The following CCDC60 variants were observed in gnomAD, a reference collection of about 807,000 sequenced individuals.
The protein encoded by CCDC60 is coiled-coil domain containing 60.
In CCDC60, 54 loss-of-function variants were observed where a neutral mutation model predicts 63.5. The ratio of observed to expected loss-of-function variants is 0.85; its 90% CI spans 0.68 to 1.07. CCDC60 has a LOEUF of 1.07. Among genes scored for constraint, CCDC60 ranks in the 50% least tolerant of loss-of-function variants. The pLI, the probability that CCDC60 is intolerant of heterozygous loss-of-function variation, is 0.00. For missense variants in CCDC60, 651 were observed against 684.3 expected, an observed-to-expected ratio of 0.95 and a Z score of 0.54; for synonymous variants, 206 against 238.8, an observed-to-expected ratio of 0.86 and a Z score of 1.27.
rs1473638199 is a variant in CCDC60, at chr12:119,505,412, T to C, written c.883+109T>C. On this transcript the variant is annotated intron_variant, in intron 7 of 13. Coordinates refer to ENST00000327554, the MANE Select transcript of CCDC60 (RefSeq NM_178499.5). ...CACCTCCACTCATTTAAAGGTGACATGGGATCCCGCATCCTTGTTCAATTT... is the reference window on the plus strand; with the variant it reads ...CACCTCCACTCATTTAAAGGTGACACGGGATCCCGCATCCTTGTTCAATTT... 5 of 694,032 alleles carry C rather than the reference T, an allele frequency of 7.2e-6. No homozygotes were observed. The East Asian group carries it at 1.3e-4, about 18-fold the overall frequency. 43.0% of individuals were successfully genotyped at this position (694,032 alleles called of 1,614,324 possible).
chr12:119,387,034 TCACACACACACACACACA>T (rs1555233707), intron 1 of CCDC60, among the ~76,000 whole-genome samples: 6 of 105,400 alleles, frequency 5.7e-5, no homozygotes, highest in Non-Finnish European at 1.1e-4. Context: ...TCTGTCTCTC[TCACACACACACACACACA>T]CACACACACA....
chr12:119,376,781 G>A (rs1955955311), intron 1 of CCDC60, among the ~76,000 whole-genome samples: 1 of 152,054 alleles, frequency 6.6e-6, no homozygotes, highest in Non-Finnish European at 1.5e-5. Context: ...CCAACAGAGT[G>A]GCTACTTTAT....
intron 1 of CCDC60, among the ~76,000 whole-genome samples, chr12:119,361,599 A>G (rs1384555951): frequency 6.6e-6 from 1 of 152,226 alleles, no homozygotes; most frequent in African/African-American, 2.4e-5. Context: ...CTTGGAGCCC[A>G]GAGACCAGGG....
intron 7 of CCDC60, among the ~76,000 whole-genome samples, chr12:119,512,170 C>T (rs893694949): frequency 4.6e-5 from 7 of 152,228 alleles, no homozygotes; most frequent in Non-Finnish European, 1.0e-4. Flanking sequence ...GGGCTTCACG[C>T]TTCCCTTCCA....
At chr12:119,426,382 G>T (rs767093761) in intron 1 of CCDC60, among the ~76,000 whole-genome samples, 29 of 150,474 alleles carry the variant, frequency 1.9e-4, no homozygotes, top group Non-Finnish European at 3.4e-4. Context: ...TTTGAGAGAG[G>T]GTCTCGCTCT....
intron 1 of CCDC60, among the ~76,000 whole-genome samples, chr12:119,337,834 G>A (rs865981096): frequency 6.8e-6 from 1 of 148,060 alleles, no homozygotes. Context: ...TTGTGTGTGT[G>A]TGTGTGTGTG....
chr12:119,418,167 G>GTA (rs1182081279), intron 1 of CCDC60, among the ~76,000 whole-genome samples: 1 of 151,930 alleles, frequency 6.6e-6, no homozygotes, highest in Admixed American at 6.6e-5. Flanking sequence ...ATACATGTGT[G>GTA]TATATATGTA....
Position 119,438,909 on chromosome 12 carries a change from C to T in CCDC60, c.170+10147C>T, listed in dbSNP as rs7971134. 2.8e-3 allele frequency among the ~76,000 whole-genome samples: 431 copies of T among 152,080 alleles called. 5 individuals are homozygous for T. The highest frequency in any genetic ancestry group is 9.8e-3 in the African/African-American group (405 of 41,500). On this transcript the variant is annotated intron_variant, in intron 2 of 13. Transcript: ENST00000327554. ...CAGAATGAGATAATGTACATAAAAA[C>T]CCCCGTTCTGCTTCCCTTTCTTAGA...
chr12:119,464,382 C>T (rs1351145340), intron 2 of CCDC60, among the ~76,000 whole-genome samples: 2 of 148,996 alleles, frequency 1.3e-5, no homozygotes, highest in African/African-American at 5.0e-5. Context: ...CTTCCTTCCT[C>T]CTTCCTTCCC....
intron 7 of CCDC60, among the ~76,000 whole-genome samples, chr12:119,507,557 TATATATATATATGTATATATACAC>T (rs201262835): frequency 0.017 from 1,253 of 72,864 alleles, 74 homozygotes; most frequent in East Asian, 0.062. Context: ...TATACATATA[TATATATATATATGTATATATACAC>T]ATATATATAC....
At chr12:119,375,323 C>T (rs544371196) in intron 1 of CCDC60, among the ~76,000 whole-genome samples, 10 of 152,274 alleles carry the variant, frequency 6.6e-5, no homozygotes, top group African/African-American at 1.7e-4. Flanking sequence ...TGCCAGTTTC[C>T]ATGGTGTAAA....
At chr12:119,350,132 A>G (rs1955640228) in intron 1 of CCDC60, among the ~76,000 whole-genome samples, 3 of 152,102 alleles carry the variant, frequency 2.0e-5, no homozygotes, top group Admixed American at 2.0e-4. Flanking sequence ...GTGTGCCCCT[A>G]TCTTGAACCA....
intron 4 of CCDC60, among the ~76,000 whole-genome samples, chr12:119,486,866 C>A (rs906965444): frequency 6.6e-6 from 1 of 152,270 alleles, no homozygotes; most frequent in South Asian, 2.1e-4. Flanking sequence ...AGTAGAGATA[C>A]CTTCCTGACC....
rs538990553 is a variant in CCDC60, at chr12:119,465,523, C to T, written c.171-6471C>T. ...CTGTAATCCCAGCACTCTGGGAGGC[C>T]GAGGCAGGTGGATCACCTCAGGTCA... On this transcript the variant is annotated intron_variant, in intron 2 of 13. Transcript: ENST00000327554. 3.3e-5 allele frequency among the ~76,000 whole-genome samples: 5 copies of T among 151,954 alleles called. 1 individual carries two copies. In the East Asian group the frequency reaches 5.8e-4, roughly 18 times the overall value.
At chr12:119,441,419 A>G (rs1472395518) in intron 2 of CCDC60, among the ~76,000 whole-genome samples, 1 of 152,196 alleles carries the variant, frequency 6.6e-6, no homozygotes, top group African/African-American at 2.4e-5. Flanking sequence ...ATAATGCAGG[A>G]AAGCACACAA....
chr12:119,504,786 G>A (rs774000126), intron 6 of CCDC60, among the ~76,000 whole-genome samples: 1 of 152,190 alleles, frequency 6.6e-6, no homozygotes, highest in East Asian at 1.9e-4. Context: ...GCTTCCTATG[G>A]TGACTTCTTG....
At chr12:119,538,677 A>T (rs1264038429) in intron 13 of CCDC60, among the ~76,000 whole-genome samples, 1 of 152,138 alleles carries the variant, frequency 6.6e-6, no homozygotes, top group Non-Finnish European at 1.5e-5. Flanking sequence ...CCATCTTCTG[A>T]AGCCTACTTC....
intron 1 of CCDC60, among the ~76,000 whole-genome samples, chr12:119,361,206 A>AGAGGGG (rs1485819878): frequency 6.6e-5 from 10 of 150,378 alleles, no homozygotes; most frequent in Non-Finnish European, 1.2e-4. Flanking sequence ...GACGAGAGGG[A>AGAGGGG]GAGGGAGAGG....
In CCDC60 at chr12:119,376,257, C is replaced by T. The variant is rs190069444; in HGVS notation, c.90+40991C>T. Among the ~76,000 whole-genome samples, 105 of 152,334 alleles carry T rather than the reference C, an allele frequency of 6.9e-4. 2 individuals carry two copies. Among genetic ancestry groups the T allele is most frequent in the South Asian group, 2.1e-4 (1 of 4,826 alleles). ...GTTTGCCAAAAACTGCCTTACACTA[C>T]AAGGCTCATCCTTGATCACTTTGAT... On this transcript the variant is annotated intron_variant, in intron 1 of 13. Coordinates refer to ENST00000327554, the MANE Select transcript of CCDC60 (RefSeq NM_178499.5).
Sources: gnomAD v4.1 joint callset for allele counts (sites outside exome capture counted in the v4.1 genomes callset) on GRCh38, gnomAD v4.1.1 for gene constraint, MANE v1.5 for transcripts, NCBI Gene and HGNC (gene_info 2026-07-23, HGNC 2026-07-21) for gene names.